SHPRH: variants seen among roughly 807,000 people sequenced by gnomAD.
SHPRH encodes the protein SNF2 histone linker PHD RING helicase, also known as E3 ubiquitin-protein ligase SHPRH.
SHPRH carries 106 observed loss-of-function variants against 202.5 expected under a neutral mutation model. The observed-to-expected ratio is 0.52, with a 90% CI of 0.45 to 0.62. The LOEUF is 0.62. Ranked by LOEUF, SHPRH falls within the 20% of genes least tolerant of loss-of-function variation. The probability of loss-of-function intolerance (pLI) is 0.00; values close to 1 mark genes in which losing one functional copy is unlikely to be tolerated. For missense variants in SHPRH, 1,710 were observed against 2,020.0 expected, an observed-to-expected ratio of 0.85 and a Z score of 2.94; for synonymous variants, 729 against 686.0, an observed-to-expected ratio of 1.06 and a Z score of -0.98.
chr6:145,910,006 T>C (rs970545031), intron 25 of SHPRH: 2 of 153,298 alleles, frequency 1.3e-5, no homozygotes, highest in Non-Finnish European at 2.9e-5. Context: ...ATTACCCTCT[T>C]TCTTGTAGCT....
Position 145,943,452 on chromosome 6 carries a change from T to G in SHPRH, c.1929A>C (p.Val643=), listed in dbSNP as rs200723197. The G allele has an allele frequency of 4.9e-4, 783 of 1,614,030 alleles. 12 individuals carry two copies. The South Asian group carries it at 8.1e-3, about 17-fold the overall frequency. ...AESLNHADSD[V]PPSNTMSPFN... The stretch of plus-strand genomic sequence containing the variant: ...AGGGACTCATGGTATTAGAAGGTGG[T>G]ACATCACTATCAGCATGATTTAGAG... The change falls in exon 9 of 30, where the codon GTA becomes GTC. Residue 643 remains valine, a synonymous_variant. Transcript: ENST00000275233.
intron 28 of SHPRH, among the ~76,000 whole-genome samples, chr6:145,890,115 T>C (rs1781452203): frequency 6.6e-6 from 1 of 152,148 alleles, no homozygotes. Flanking sequence ...CTCATTCTCT[T>C]CCTTTTCTCT....
intron 2 of SHPRH, among the ~76,000 whole-genome samples, chr6:145,868,733 C>T (rs992020601): frequency 6.6e-6 from 1 of 152,122 alleles, no homozygotes; most frequent in Non-Finnish European, 1.5e-5. Flanking sequence ...GATGTACAGC[C>T]TCAGCCGTCA....
At chr6:145,883,490 T>C (rs948907630), downstream of SHPRH, 2 of 152,254 alleles carry the variant, frequency 1.3e-5, no homozygotes, top group Non-Finnish European at 2.9e-5. Flanking sequence ...AGCATAAGGC[T>C]TGAACTCCCT....
Position 145,927,571 on chromosome 6 carries a change from C to T in SHPRH, c.3113-294G>A, listed in dbSNP as rs77689454. The stretch of plus-strand genomic sequence containing the variant: ...ACGTTTGTAATGTTTTGAGATTATG[C>T]TATTGGATAAACTTTTAATTTAGAC... On this transcript the variant is annotated intron_variant, in intron 14 of 29. Coordinates refer to ENST00000275233, the MANE Select transcript of SHPRH (RefSeq NM_001042683.3). Among the ~76,000 whole-genome samples the T allele has an allele frequency of 4.6e-3, 690 of 151,236 alleles. 29 individuals carry two copies. In the East Asian group the frequency reaches 0.081, roughly 18 times the overall value.
At position 145,900,543 on chromosome 6, in the gene SHPRH, TAGAC is replaced by T. The variant is rs147895194; in HGVS notation, c.4516-5570_4516-5567del. On this transcript the variant is annotated intron_variant, in intron 25 of 29. Coordinates refer to ENST00000275233, the MANE Select transcript of SHPRH (RefSeq NM_001042683.3). ...GGGTTAAATGGTGCAAAGTTTTAGT[TAGAC>T]AGAAGGAACAGATCTAAAGATCTAT... Among the ~76,000 whole-genome samples, 551 of 152,172 alleles carry T rather than the reference TAGAC, an allele frequency of 3.6e-3. 4 individuals carry two copies. Among genetic ancestry groups the T allele is most frequent in the African/African-American group, 0.013 (525 of 41,524 alleles).
At position 145,894,150 on chromosome 6, in the gene SHPRH, C is replaced by T; in HGVS notation, c.4695G>A (p.Gln1565=). The change falls in exon 27 of 30, where the codon CAG becomes CAA. Residue 1565 remains glutamine (Q), a splice_region_variant and synonymous_variant. Coordinates refer to ENST00000275233, the MANE Select transcript of SHPRH (RefSeq NM_001042683.3). The stretch of plus-strand genomic sequence containing the variant: ...AAACCGGAGTAAAATCTTAACATAC[C>T]TGAAATGTCTTAACACGACTGATTT... The part of the protein sequence containing the change: ...FAQISRVKTF[Q]ENLSAFKRDP... 6.3e-7 allele frequency: 1 copy of T among 1,591,254 alleles called. No homozygotes were observed. The highest frequency in any genetic ancestry group is 8.5e-7 in the Non-Finnish European group (1 of 1,172,526).
chr6:145,898,984 A>C (rs1782255965), intron 25 of SHPRH, among the ~76,000 whole-genome samples: 1 of 151,520 alleles, frequency 6.6e-6, no homozygotes, highest in Non-Finnish European at 1.5e-5. Flanking sequence ...GCTACTTTTA[A>C]ATTTTTTTTG....
chr6:145,951,921 C>T (rs770936085), intron 3 of SHPRH: 17 of 455,588 alleles, frequency 3.7e-5, no homozygotes, highest in South Asian at 1.1e-4. Context: ...AAAGATGCAA[C>T]GTCTTGCCAA....
At chr6:145,861,618 C>G (rs1346498074), downstream of SHPRH, among the ~76,000 whole-genome samples, 3 of 152,168 alleles carry the variant, frequency 2.0e-5, no homozygotes, top group Non-Finnish European at 2.9e-5. Context: ...TAAATTAAAT[C>G]AGTATCTTGA....
At chr6:145,922,175 A>T in intron 20 of SHPRH, 111 bp downstream of exon 20, 1 of 910,550 alleles carries the variant, frequency 1.1e-6, no homozygotes, top group Non-Finnish European at 1.6e-6. Context: ...TTAATTAAAG[A>T]AACAATATAA....
intron 29 of SHPRH, among the ~76,000 whole-genome samples, chr6:145,887,259 C>T (rs1781109124): frequency 1.3e-5 from 2 of 152,008 alleles, no homozygotes; most frequent in Admixed American, 6.6e-5. Context: ...TCCCAGAAAC[C>T]ATCAATGGAA....
At chr6:145,960,885 G>A (rs1437567607) in intron 1 of SHPRH, among the ~76,000 whole-genome samples, 3 of 152,180 alleles carry the variant, frequency 2.0e-5, no homozygotes, top group African/African-American at 7.2e-5. Context: ...GTGGAGTGGA[G>A]AGGGGGTTGT....
In SHPRH at chr6:145,925,911, A is replaced by C. The variant is rs143380780; in HGVS notation, c.3294+293T>G. Among the ~76,000 whole-genome samples the C allele has an allele frequency of 9.9e-4, 151 of 151,788 alleles. 1 individual carries two copies. In the East Asian group the frequency reaches 0.027, roughly 27 times the overall value. On this transcript the variant is annotated intron_variant, in intron 16 of 29. Transcript: ENST00000275233. The stretch of plus-strand genomic sequence containing the variant: ...CTTTTGTAGATCTGCCATGAGATCA[A>C]AGTTTCTTTTTTAAAACTCATTTAT...
intron 14 of SHPRH, 146 bp downstream of exon 14, chr6:145,932,911 A>G: frequency 1.2e-6 from 1 of 855,448 alleles, no homozygotes; most frequent in Non-Finnish European, 1.7e-6. Context: ...ATTAAGTTGA[A>G]CCTATTTAAA....
Position 145,924,778 on chromosome 6 carries a change from T to C in SHPRH, c.3363A>G (p.Leu1121=). 2 of 1,611,896 alleles carry C rather than the reference T, an allele frequency of 1.2e-6. No individual in the cohort carries two copies. The highest frequency in any genetic ancestry group is 1.7e-6 in the Non-Finnish European group (2 of 1,178,488). Residue 1121 remains leucine (L), a synonymous_variant, in exon 17 of 30, where the codon TTA becomes TTG. Coordinates refer to ENST00000275233, the MANE Select transcript of SHPRH (RefSeq NM_001042683.3). ...NTEVAEAQQA[L]YPVQQTIHEL... ...CATGGATGGTCTGCTGCACAGGATA[T>C]AAAGCTTGCTGGGCTTCAGCAACTT...
intron 24 of SHPRH, among the ~76,000 whole-genome samples, chr6:145,912,364 G>A (rs1242404081): frequency 6.6e-6 from 1 of 152,014 alleles, no homozygotes; most frequent in African/African-American, 2.4e-5. Flanking sequence ...TCCAAGTGCA[G>A]GAAACCTAGG....
intron 25 of SHPRH, among the ~76,000 whole-genome samples, chr6:145,897,482 T>G (rs970478852): frequency 1.3e-5 from 2 of 152,122 alleles, no homozygotes; most frequent in African/African-American, 2.4e-5. Flanking sequence ...AATACCAATC[T>G]TTCTTGAACT....
intron 2 of SHPRH, among the ~76,000 whole-genome samples, chr6:145,872,016 C>T (rs1473567124): frequency 6.6e-6 from 1 of 152,152 alleles, no homozygotes; most frequent in Non-Finnish European, 1.5e-5. Flanking sequence ...GAAACTGGCA[C>T]CTTCCTTACG....
Sources: allele counts gnomAD v4.1 joint callset (sites outside exome capture counted in the v4.1 genomes callset), GRCh38; gene constraint gnomAD v4.1.1; transcripts MANE v1.5; gene names NCBI Gene and HGNC (gene_info 2026-07-23, HGNC 2026-07-21).